The following USP26 variants were observed in gnomAD, a reference collection of about 807,000 sequenced individuals.
USP26 encodes ubiquitin carboxyl-terminal hydrolase 26.
For missense variants in USP26, 649 were observed against 642.3 expected, an observed-to-expected ratio of 1.01 and a Z score of -0.11; for synonymous variants, 236 against 240.6, an observed-to-expected ratio of 0.98 and a Z score of 0.18.
intron 5 of USP26, among the ~76,000 whole-genome samples, chrX:133,063,130 A>G (rs2067499038): frequency 9.0e-6 from 1 of 111,072 alleles, no homozygotes; most frequent in Admixed American, 9.7e-5. Context: ...AGGATATCAG[A>G]GATTGATGAT....
intron 3 of USP26, among the ~76,000 whole-genome samples, 181 bp downstream of exon 3, chrX:133,090,537 C>T (rs2067603561): frequency 8.9e-6 from 1 of 112,347 alleles, no homozygotes; most frequent in South Asian, 3.7e-4. Flanking sequence ...AAGCTTGAAT[C>T]CCAAATTGAT....
chrX:133,032,269 A>AT (rs2067380125), intron 5 of USP26, among the ~76,000 whole-genome samples: 1 of 111,825 alleles, frequency 8.9e-6, no homozygotes, highest in African/African-American at 3.3e-5. Context: ...GTGCTGCCTT[A>AT]TATAGGGGGT....
chrX:133,087,456 T>A (rs2067593609), intron 4 of USP26, among the ~76,000 whole-genome samples: 2 of 112,215 alleles, frequency 1.8e-5, no homozygotes, highest in Non-Finnish European at 3.8e-5. Flanking sequence ...TAAGTGCACA[T>A]CTCTTCCAAA....
chrX:133,082,195 A>G (rs1028704384), intron 5 of USP26, among the ~76,000 whole-genome samples: 14 of 111,613 alleles, frequency 1.3e-4, no homozygotes, highest in African/African-American at 4.2e-4. Flanking sequence ...TGTTTGCTTT[A>G]TTGTCATCCT....
In USP26 at chrX:133,027,122, C is replaced by T. The variant is rs150510912; in HGVS notation, c.1099G>A (p.Ala367Thr). The change falls in exon 6 of 6, where the codon GCC becomes ACC. Residue 367 changes from alanine to threonine, a missense_variant. Ala to Thr is a moderately conservative substitution (Grantham distance 58). Transcript: ENST00000511190. ...KEMLLLNLKKAISAAAEIFHG... is the reference protein window; with the variant it reads ...KEMLLLNLKKTISAAAEIFHG... Reference sequence around the variant, plus strand: ...AATATCTCTGCAGCTGCTGAAATGGCCTTTTTAAGATTCAAGAGTAACATC... The same window carrying T: ...AATATCTCTGCAGCTGCTGAAATGGTCTTTTTAAGATTCAAGAGTAACATC... 2 of 1,210,619 alleles carry T rather than the reference C, an allele frequency of 1.7e-6. No individual in the cohort carries two copies. The highest frequency in any genetic ancestry group is 2.2e-6 in the Non-Finnish European group (2 of 894,779).
At chrX:133,069,616 T>C (rs1377020696) in intron 5 of USP26, among the ~76,000 whole-genome samples, 1 of 111,201 alleles carries the variant, frequency 9.0e-6, no homozygotes. Flanking sequence ...ATCTGAGTAA[T>C]AAAAGATCCA....
chrX:133,087,772 C>A (rs1165857921), intron 4 of USP26, among the ~76,000 whole-genome samples: 2 of 111,823 alleles, frequency 1.8e-5, no homozygotes, highest in African/African-American at 6.5e-5. Context: ...AATAGCCTTG[C>A]CCTAAAATTT....
At chrX:133,092,502 T>C (rs2067611343) in intron 1 of USP26, among the ~76,000 whole-genome samples, 1 of 112,316 alleles carries the variant, frequency 8.9e-6, no homozygotes, top group African/African-American at 3.2e-5. Context: ...TCACGAATAA[T>C]TGCAACCATT....
At chrX:133,079,396 T>C (rs944387288) in intron 5 of USP26, among the ~76,000 whole-genome samples, 3 of 111,854 alleles carry the variant, frequency 2.7e-5, no homozygotes, top group Non-Finnish European at 5.6e-5. Context: ...GAAACGAAAG[T>C]TCAGAGGAGT....
chrX:133,069,707 G>A (rs1307930122), intron 5 of USP26, among the ~76,000 whole-genome samples: 2 of 111,545 alleles, frequency 1.8e-5, no homozygotes, highest in Non-Finnish European at 3.8e-5. Context: ...TCAATCAAAT[G>A]TGAGGTCTAA....
chrX:133,044,897 C>G (rs975038599), intron 5 of USP26, among the ~76,000 whole-genome samples: 1 of 113,157 alleles, frequency 8.8e-6, no homozygotes, highest in Non-Finnish European at 1.9e-5. Flanking sequence ...ATTGTAAATA[C>G]ACCAATCAGC....
chrX:133,087,378 T>C (rs949230283), intron 4 of USP26, among the ~76,000 whole-genome samples: 1 of 112,425 alleles, frequency 8.9e-6, no homozygotes, highest in African/African-American at 3.2e-5. Context: ...CATAATTCTA[T>C]GCAGTTTGAT....
At chrX:133,034,107 T>C (rs2067387946) in intron 5 of USP26, among the ~76,000 whole-genome samples, 1 of 111,758 alleles carries the variant, frequency 8.9e-6, no homozygotes, top group Non-Finnish European at 1.9e-5. Context: ...AATTCACCAA[T>C]CATTCACTTT....
At chrX:133,065,888 G>A (rs2067510057) in intron 5 of USP26, among the ~76,000 whole-genome samples, 1 of 111,874 alleles carries the variant, frequency 8.9e-6, no homozygotes, top group Non-Finnish European at 1.9e-5. Flanking sequence ...CATCAGGCAA[G>A]AGAAAGAAAT....
Position 133,024,534 on chromosome X carries a change from T to A in USP26, c.*945A>T, listed in dbSNP as rs2067336928. ...GACTTGGCGTTTAGCCTCATCTATA[T>A]ATGCCCAAGAGGATTCAAAAGTTAT... is the stretch of plus-strand genomic sequence containing the variant. On this transcript the variant is annotated 3_prime_UTR_variant, in exon 6 of 6. Transcript: ENST00000511190. 8.9e-6 allele frequency: 1 copy of A among 111,898 alleles called. No individual in the cohort carries two copies. The highest frequency in any genetic ancestry group is 3.7e-4 in the South Asian group (1 of 2,691). The allele number at this position is 111,898 out of a possible 1,213,427, so 9.2% of individuals were successfully genotyped here. A position where few individuals can be genotyped will look rare whatever the true frequency, so the allele number is the denominator to read the frequency against.
chrX:133,062,947 G>A (rs1243591252), intron 5 of USP26, among the ~76,000 whole-genome samples: 1 of 111,021 alleles, frequency 9.0e-6, no homozygotes, highest in African/African-American at 3.3e-5. Flanking sequence ...AAAGGAGTGT[G>A]TTCTAACCCA....
At chrX:133,064,293 C>T (rs1370678568) in intron 5 of USP26, among the ~76,000 whole-genome samples, 3 of 111,673 alleles carry the variant, frequency 2.7e-5, no homozygotes, top group African/African-American at 9.8e-5. Context: ...GACTTTAACA[C>T]CCCACTGTCA....
At chrX:133,038,046 T>G (rs1188620729) in intron 5 of USP26, among the ~76,000 whole-genome samples, 12 of 111,804 alleles carry the variant, frequency 1.1e-4, no homozygotes, top group Non-Finnish European at 2.3e-4. Context: ...AAGTTGTTTA[T>G]TAGCTTAAGG....
chrX:133,086,649 C>T (rs999683633), intron 4 of USP26, among the ~76,000 whole-genome samples: 1 of 110,539 alleles, frequency 9.0e-6, no homozygotes, highest in Admixed American at 9.7e-5. Context: ...CAGTGGCTCA[C>T]GCCTGTAATC....
Sources: gnomAD v4.1 joint callset for allele counts (sites outside exome capture counted in the v4.1 genomes callset) on GRCh38, gnomAD v4.1.1 for gene constraint, MANE v1.5 for transcripts, NCBI Gene and HGNC (gene_info 2026-07-23, HGNC 2026-07-21) for gene names.